Variants in CEP104 observed in about 807,000 individuals in gnomAD.
CEP104 encodes centrosomal protein of 104 kDa.
A neutral mutation model predicts 113.3 loss-of-function variants in CEP104; 84 were observed. The observed-to-expected ratio is 0.74, with a 90% confidence interval of 0.62 to 0.89. The LOEUF is 0.89. Among genes scored for constraint, CEP104 ranks in the 40% least tolerant of loss-of-function variants. The probability of loss-of-function intolerance (pLI) is 0.00; values close to 1 mark genes in which losing one functional copy is unlikely to be tolerated. For synonymous variants in CEP104, 378 were observed against 421.7 expected, an observed-to-expected ratio of 0.90 and a Z score of 1.27; for missense variants, 1,053 against 1,156.6, an observed-to-expected ratio of 0.91 and a Z score of 1.30.
Position 3,831,141 on chromosome 1 carries a change from C to T in CEP104, c.1741G>A (p.Val581Ile). ...CCCATCTGACTCATTGCCAGGTGAA[C>T]TGAAGAGTTTGCTTTCAATGGCTGC... Reference protein sequence around the residue: ...LVQPLKANSSVHLAMSQMGLL... With the variant: ...LVQPLKANSSIHLAMSQMGLL... The change falls in exon 13 of 22, where the codon GTT becomes ATT. Residue 581 changes from valine to isoleucine, a missense_variant. Val to Ile is a conservative substitution (Grantham distance 29, BLOSUM62 3). Transcript: ENST00000378230. 6.2e-7 allele frequency: 1 copy of T among 1,614,238 alleles called. No homozygotes were observed. The highest frequency in any genetic ancestry group is 8.5e-7 in the Non-Finnish European group (1 of 1,180,046).
intron 12 of CEP104, among the ~76,000 whole-genome samples, chr1:3,833,187 G>C (rs1002852155): frequency 5.3e-5 from 8 of 151,942 alleles, no homozygotes; most frequent in African/African-American, 1.9e-4. Flanking sequence ...CACCAGGTTG[G>C]CTAGGATAGT....
intron 20 of CEP104, among the ~76,000 whole-genome samples, chr1:3,816,653 C>G (rs79287741): frequency 6.6e-6 from 1 of 152,260 alleles, no homozygotes; most frequent in African/African-American, 2.4e-5. Flanking sequence ...GTCAGTGACT[C>G]TGAGCACAGC....
intron 20 of CEP104, among the ~76,000 whole-genome samples, chr1:3,818,271 A>G (rs2124633952): frequency 6.6e-6 from 1 of 152,184 alleles, no homozygotes; most frequent in African/African-American, 2.4e-5. Flanking sequence ...CAGTATCATG[A>G]CCTTAAACCC....
In CEP104 at chr1:3,829,858, A is replaced by C; in HGVS notation, c.1976T>G (p.Ile659Ser). 6.2e-7 allele frequency: 1 copy of C among 1,614,186 alleles called. No individual in the cohort carries two copies. The highest frequency in any genetic ancestry group is 8.5e-7 in the Non-Finnish European group (1 of 1,180,036). The change falls in exon 14 of 22, where the codon ATT becomes AGT. Residue 659 changes from isoleucine to serine, a missense_variant. Transcript: ENST00000378230. ...PPDDSNTRRN[I>S]LYKTIFEGFA... ...TCCCTCAAAAATTGTTTTGTAGAGAATGTTCCTGCGTGTGTTGCTGTCGTC... is the reference window on the plus strand; with the variant it reads ...TCCCTCAAAAATTGTTTTGTAGAGACTGTTCCTGCGTGTGTTGCTGTCGTC...
rs1198563159 is a variant in CEP104 at position 3,843,434 on chromosome 1, T to C, written c.566+1473A>G. On this transcript the variant is annotated intron_variant, in intron 6 of 21. Coordinates refer to ENST00000378230, the MANE Select transcript of CEP104 (RefSeq NM_014704.4). ...CTCTGTCACCCAGGCTGGAATACAG[T>C]GGCATGATCTCGGCTCAAGCGATCT... 3 of 486,700 alleles carry C rather than the reference T, an allele frequency of 6.2e-6. No homozygotes were observed. In the African/African-American group the frequency reaches 6.2e-5, roughly 10 times the overall value. The allele number at this position is 486,700 out of a possible 1,614,324, so 30.1% of individuals were successfully genotyped here. A position where few individuals can be genotyped will look rare whatever the true frequency, so the allele number is the denominator to read the frequency against.
chr1:3,839,681 T>G lies in CEP104; in HGVS notation c.662A>C (p.Lys221Thr). 6.2e-7 allele frequency: 1 copy of G among 1,614,178 alleles called. No homozygotes were observed. Among genetic ancestry groups the G allele is most frequent in the Non-Finnish European group, 8.5e-7 (1 of 1,180,020 alleles). Residue 221 changes from lysine (K) to threonine (T), a missense_variant, in exon 7 of 22, where the codon AAA becomes ACA. Transcript: ENST00000378230. Reference sequence around the variant, plus strand: ...GCGTTCCTTTTGGACAGCTTCCCGTTTTCTTTCATCTAATTTTCGTATGAT... The same window carrying G: ...GCGTTCCTTTTGGACAGCTTCCCGTGTTCTTTCATCTAATTTTCGTATGAT... ...AQIIRKLDER[K>T]REAVQKERYD...
chr1:3,855,650 C>A (rs1348365939), intron 1 of CEP104, among the ~76,000 whole-genome samples: 1 of 152,162 alleles, frequency 6.6e-6, no homozygotes, highest in Non-Finnish European at 1.5e-5. Context: ...AATGCTATTA[C>A]CTCAGTCTGG....
rs113795503 is a variant in CEP104 at position 3,839,100 on chromosome 1, C to T, written c.755G>A (p.Arg252Lys). 30 of 1,613,940 alleles carry T rather than the reference C, an allele frequency of 1.9e-5. No homozygotes were observed. Among genetic ancestry groups the T allele is most frequent in the Middle Eastern group, 1.6e-4 (1 of 6,062 alleles). Residue 252 changes from arginine (R) to lysine (K), a missense_variant, in exon 8 of 22, where the codon AGG becomes AAG. Transcript: ENST00000378230. ...GGCACAGCGTTTCTCTACCTCATAC[C>T]TCCCAAGGCGTTCACCAACCTGAAG... ...DLQKVGERLG[R>K]YEVEKRCAVE...
intron 2 of CEP104, among the ~76,000 whole-genome samples, chr1:3,851,898 A>T (rs924400293): frequency 2.6e-5 from 4 of 152,212 alleles, no homozygotes; most frequent in Non-Finnish European, 5.9e-5. Context: ...ATATAAAAAC[A>T]GTTAGACACA....
chr1:3,854,672 A>G, intron 1 of CEP104, among the ~76,000 whole-genome samples: 1 of 135,082 alleles, frequency 7.4e-6, no homozygotes, highest in African/African-American at 2.9e-5. Flanking sequence ...TTTAGTAGAG[A>G]CGGGGTTTTG....
chr1:3,830,511 C>A (rs544554382), intron 13 of CEP104, among the ~76,000 whole-genome samples: 1 of 152,166 alleles, frequency 6.6e-6, no homozygotes, highest in Non-Finnish European at 1.5e-5. Flanking sequence ...CAGTGGCTCA[C>A]GCCTGTAATC....
chr1:3,822,147 C>T (rs370099241), intron 20 of CEP104, among the ~76,000 whole-genome samples: 7 of 151,974 alleles, frequency 4.6e-5, no homozygotes, highest in African/African-American at 1.5e-4. Context: ...GCTCAGTGAC[C>T]GTGACAAGGG....
In CEP104 at chr1:3,826,360, C is replaced by A. The variant is rs140847871; in HGVS notation, c.2255+10G>T. On this transcript the variant is annotated intron_variant, in intron 17 of 21. Coordinates refer to ENST00000378230, the MANE Select transcript of CEP104 (RefSeq NM_014704.4). ...CCATCGTACAATGGGTGGAAGACAGCGCGACTTACTTATCTAGATAGTGCT... is the reference window on the plus strand; with the variant it reads ...CCATCGTACAATGGGTGGAAGACAGAGCGACTTACTTATCTAGATAGTGCT... 2 of 1,612,934 alleles carry A rather than the reference C, an allele frequency of 1.2e-6. No homozygotes were observed. The highest frequency in any genetic ancestry group is 2.2e-5 in the South Asian group (2 of 90,988).
intron 12 of CEP104, among the ~76,000 whole-genome samples, chr1:3,831,949 G>T (rs7535133): frequency 0.3 from 46,272 of 151,984 alleles, 8,251 homozygotes; most frequent in African/African-American, 0.49. Flanking sequence ...CTCCAGGGAA[G>T]TTTGGACAGT....
rs763442083 is a variant in CEP104 at position 3,844,941 on chromosome 1, T to G, written c.532A>C (p.Ser178Arg). The G allele has an allele frequency of 1.9e-6, 3 of 1,614,154 alleles. No homozygotes were observed. Among genetic ancestry groups the G allele is most frequent in the Non-Finnish European group, 2.5e-6 (3 of 1,180,018 alleles). ...KLIDHYLGHN[S>R]EDPALEGTYA... is the part of the protein sequence containing the mutation. ...GTTCCTTCTAGAGCAGGGTCCTCGC[T>G]GTTGTGCCCAAGGTAGTGGTCAATC... The change falls in exon 6 of 22, where the codon AGC (serine) becomes CGC (arginine). Residue 178 changes from serine to arginine, a missense_variant. Transcript: ENST00000378230.
intron 20 of CEP104, chr1:3,822,726 G>A (rs2027547): frequency 0.6 from 96,438 of 160,034 alleles, 29,739 homozygotes; most frequent in African/African-American, 0.73. Context: ...GAGTCACTGC[G>A]TAGTGCACTG....
intron 20 of CEP104, among the ~76,000 whole-genome samples, chr1:3,818,593 G>A (rs370237016): frequency 2.6e-5 from 4 of 152,214 alleles, no homozygotes; most frequent in African/African-American, 7.2e-5. Flanking sequence ...GCCAGGCCAT[G>A]CCCACTCTTC....
intron 20 of CEP104, among the ~76,000 whole-genome samples, chr1:3,818,185 G>A (rs962004460): frequency 2.0e-5 from 3 of 152,188 alleles, no homozygotes; most frequent in African/African-American, 4.8e-5. Context: ...CTTCCCCAGC[G>A]CCTGGTTTGC....
rs924384890 is a variant in CEP104 at position 3,816,286 on chromosome 1, G to A, written c.2656C>T (p.Gln886Ter). ...CAGCGGCGCTGTCCCTCACCTGGCTGCAGTGCCGGGGCCTTCTGCAGAATG... is the reference window on the plus strand; with the variant it reads ...CAGCGGCGCTGTCCCTCACCTGGCTACAGTGCCGGGGCCTTCTGCAGAATG... Reference protein sequence around the residue: ...THILQKAPALQPGKSSAVAAS... With the variant: ...THILQKAPAL The change falls in exon 21 of 22, where the codon CAG (glutamine) becomes TAG (stop). Residue 886 changes from glutamine to a stop codon, truncating the protein, a stop_gained. Coordinates refer to ENST00000378230, the MANE Select transcript of CEP104 (RefSeq NM_014704.4). LOFTEE classifies it low-confidence loss of function (END_TRUNC). The A allele has an allele frequency of 1.9e-6, 3 of 1,551,740 alleles. No individual in the cohort carries two copies. The highest frequency in any genetic ancestry group is 3.9e-5 in the Admixed American group (2 of 51,050).
Sources: gnomAD v4.1 joint callset for allele counts (sites outside exome capture counted in the v4.1 genomes callset) on GRCh38, gnomAD v4.1.1 for gene constraint, MANE v1.5 for transcripts, NCBI Gene and HGNC (gene_info 2026-07-23, HGNC 2026-07-21) for gene names.